CCNL1: variants seen among roughly 807,000 people sequenced by gnomAD.
CCNL1 encodes cyclin L1.
CCNL1 carries 13 observed loss-of-function variants against 60.6 expected under a neutral mutation model. That is an observed-to-expected ratio of 0.21 (90% confidence interval 0.14 to 0.34). The LOEUF (loss-of-function observed/expected upper bound fraction) is 0.34, where lower values mean the gene tolerates loss of function less well. CCNL1 is among the 10% of genes least tolerant of loss of function. The pLI is 1.00. For missense variants in CCNL1, 481 were observed against 664.3 expected (o/e 0.72, Z 3.03); for synonymous variants, 270 against 244.3 (o/e 1.10, Z -0.98).
At chr3:157,151,989 T>A (rs1654502496) in intron 5 of CCNL1, 188 bp downstream of exon 5, 2 of 1,403,014 alleles carry the variant, frequency 1.4e-6, no homozygotes, top group South Asian at 3.0e-5. Flanking sequence ...TTAAAAGTAA[T>A]TAGTCAAGCC....
intron 10 of CCNL1, chr3:157,148,911 A>T: frequency 2.9e-6 from 1 of 348,584 alleles, no homozygotes; most frequent in Non-Finnish European, 5.1e-6. Flanking sequence ...ATCTAATTAC[A>T]GGCCTAACTA....
At chr3:157,145,437 CAAAAAAAAAAAAAAA>C (rs56894231), downstream of CCNL1, among the ~76,000 whole-genome samples, 7 of 24,266 alleles carry the variant, frequency 2.9e-4, no homozygotes, top group Admixed American at 7.9e-4. Flanking sequence ...GACTTCATCT[CAAAAAAAAAAAAAAA>C]AAAAAAAAAA....
intron 3 of CCNL1, chr3:157,153,386 T>C (rs1738346210): frequency 2.5e-6 from 1 of 396,154 alleles, no homozygotes; most frequent in Admixed American, 4.1e-5. Context: ...ATGAAAAAAA[T>C]TCACTCTAAT....
intron 3 of CCNL1, 129 bp from the exon 4 acceptor site, chr3:157,153,285 G>T: frequency 1.2e-6 from 1 of 811,024 alleles, no homozygotes. Flanking sequence ...CTGCAAACAA[G>T]TTAAAGCATT....
At chr3:157,153,210 A>G (rs1738334778) in intron 3 of CCNL1, 54 bp from the exon 4 acceptor site, 2 of 1,567,538 alleles carry the variant, frequency 1.3e-6, no homozygotes, top group Admixed American at 2.0e-5. Context: ...AAAAAATTTT[A>G]TTTGTGGCAT....
At chr3:157,143,848 G>A (rs1331055827), downstream of CCNL1, among the ~76,000 whole-genome samples, 1 of 152,162 alleles carries the variant, frequency 6.6e-6, no homozygotes, top group Non-Finnish European at 1.5e-5. Context: ...AAAAAGCGAG[G>A]TTGATGGGAG....
At chr3:157,156,184 A>C (rs1738608770) in intron 3 of CCNL1, among the ~76,000 whole-genome samples, 1 of 152,240 alleles carries the variant, frequency 6.6e-6, no homozygotes, top group East Asian at 1.9e-4. Context: ...GGTAGTTTAC[A>C]AAGAGGCATA....
rs1172904138 is a variant in CCNL1, at chr3:157,150,050, G to A, written c.879+15C>T. Reference sequence around the variant, plus strand: ...ACTCTTAGCATGTTGGCACAAACGAGTAAATAGAGAATACCTTTTTTCTGG... The same window carrying A: ...ACTCTTAGCATGTTGGCACAAACGAATAAATAGAGAATACCTTTTTTCTGG... On this transcript the variant is annotated intron_variant, in intron 7 of 10. Coordinates refer to ENST00000295926, the MANE Select transcript of CCNL1 (RefSeq NM_020307.4). The A allele has an allele frequency of 2.5e-6, 4 of 1,607,628 alleles. No homozygotes were observed. The African/African-American group carries it at 4.0e-5, about 16-fold the overall frequency.
intron 10 of CCNL1, 89 bp from the exon 11 acceptor site, chr3:157,148,678 C>G: frequency 8.8e-7 from 1 of 1,139,632 alleles, no homozygotes; most frequent in Middle Eastern, 2.1e-4. Context: ...CAAAACAAAA[C>G]TACCAGCTAC....
intron 4 of CCNL1, chr3:157,152,591 C>A: frequency 9.3e-7 from 1 of 1,079,644 alleles, no homozygotes; most frequent in Non-Finnish European, 1.1e-6. Flanking sequence ...CACTCTATGG[C>A]TTATATTGAT....
At position 157,154,933 on chromosome 3, in the gene CCNL1, T is replaced by C. The variant is rs76002057; in HGVS notation, c.489-1777A>G. ...AACAACCTATCTCTCTCTCCATATA[T>C]ATACATACATACATACATACATACA... is the stretch of plus-strand genomic sequence containing the variant. On this transcript the variant is annotated intron_variant, in intron 3 of 10. Transcript: ENST00000295926. Among the ~76,000 whole-genome samples, 113 of 147,884 alleles carry C rather than the reference T, an allele frequency of 7.6e-4. No individual in the cohort carries two copies. In the East Asian group the frequency reaches 0.01, roughly 14 times the overall value.
intron 1 of CCNL1, 126 bp from the exon 2 acceptor site, chr3:157,159,605 G>A (rs1738914839): frequency 2.9e-6 from 3 of 1,041,038 alleles, no homozygotes; most frequent in African/African-American, 1.6e-5. Context: ...CGAACAGCCC[G>A]CTGCCAAGTC....
intron 2 of CCNL1, 34 bp downstream of exon 2, chr3:157,159,371 A>G (rs1422911400): frequency 1.2e-6 from 2 of 1,604,644 alleles, no homozygotes; most frequent in Non-Finnish European, 1.7e-6. Context: ...TTCCGGATGA[A>G]GAAATCCCTT....
intron 4 of CCNL1, 73 bp from the exon 5 acceptor site, chr3:157,152,314 TA>T (rs1738254352): frequency 1.9e-6 from 3 of 1,559,322 alleles, no homozygotes; most frequent in Non-Finnish European, 2.6e-6. Context: ...ATGAAAAAAG[TA>T]ATTGAAAATG....
intron 10 of CCNL1, 115 bp from the exon 11 acceptor site, chr3:157,148,704 G>C: frequency 1.1e-6 from 1 of 904,864 alleles, no homozygotes; most frequent in South Asian, 1.8e-5. Context: ...TGACAAACCA[G>C]AACTTTTCAA....
intron 4 of CCNL1, chr3:157,152,750 T>C: frequency 2.6e-6 from 3 of 1,172,888 alleles, no homozygotes; most frequent in Non-Finnish European, 2.1e-6. Context: ...GAACTTTACA[T>C]CTCTGTTTTC....
chr3:157,159,485 G>C lies in CCNL1; in HGVS notation c.304-6C>G. On this transcript the variant is annotated splice_region_variant and splice_polypyrimidine_tract_variant and intron_variant, in intron 1 of 10. Transcript: ENST00000295926. ...TGCCCCGTTGCCATCGCCACCTGCA[G>C]ACAAGAGAGGAGAACGGAAGCGCAG... 2 of 1,603,192 alleles carry C rather than the reference G, an allele frequency of 1.2e-6. No homozygotes were observed. The highest frequency in any genetic ancestry group is 1.3e-5 in the African/African-American group (1 of 74,404).
chr3:157,156,331 A>G (rs1357323297), intron 3 of CCNL1, among the ~76,000 whole-genome samples: 2 of 152,230 alleles, frequency 1.3e-5, no homozygotes, highest in Admixed American at 6.5e-5. Context: ...AAATGACATC[A>G]CTTAACACCC....
chr3:157,146,885 T>C (rs972545294), downstream of CCNL1, among the ~76,000 whole-genome samples: 1 of 152,236 alleles, frequency 6.6e-6, no homozygotes, highest in Non-Finnish European at 1.5e-5. Context: ...GGTTAGTCTT[T>C]ATAGTTAGAA....
Sources: gnomAD v4.1 joint callset for allele counts (sites outside exome capture counted in the v4.1 genomes callset) on GRCh38, gnomAD v4.1.1 for gene constraint, MANE v1.5 for transcripts, NCBI Gene and HGNC (gene_info 2026-07-23, HGNC 2026-07-21) for gene names.